DENND5A: variants seen among roughly 807,000 people sequenced by gnomAD.
DENND5A encodes DENN domain-containing protein 5A.
A neutral mutation model predicts 140.3 loss-of-function variants in DENND5A; 64 were observed. The observed-to-expected ratio is 0.46, with a 90% CI of 0.37 to 0.56. DENND5A has a LOEUF of 0.56. Among genes scored for constraint, DENND5A ranks in the 20% least tolerant of loss-of-function variants. The pLI is 0.00. For missense variants in DENND5A, 1,292 were observed against 1,593.8 expected, an observed-to-expected ratio of 0.81 and a Z score of 3.22; for synonymous variants, 605 against 607.7, an observed-to-expected ratio of 1.00 and a Z score of 0.07.
Position 9,144,988 on chromosome 11 carries a change from T to C in DENND5A, c.3122+7A>G, listed in dbSNP as rs753717820. On this transcript the variant is annotated splice_region_variant and intron_variant, in intron 18 of 22. Transcript: ENST00000328194. ...CCCTCTACCTTACAGCCTGAGGGTATACTTACTTGTAGGTATGTCCTGTGA... is the reference window on the plus strand; with the variant it reads ...CCCTCTACCTTACAGCCTGAGGGTACACTTACTTGTAGGTATGTCCTGTGA... 2 of 1,594,030 alleles carry C rather than the reference T, an allele frequency of 1.3e-6. No homozygotes were observed. Among genetic ancestry groups the C allele is most frequent in the Non-Finnish European group, 1.7e-6 (2 of 1,161,752 alleles).
chr11:9,192,544 C>G (rs1156455815), intron 5 of DENND5A, among the ~76,000 whole-genome samples: 1 of 151,642 alleles, frequency 6.6e-6, no homozygotes, highest in African/African-American at 2.4e-5. Context: ...AGGAGAATCA[C>G]TTGAACCTGG....
chr11:9,228,110 C>CAAAAAAA (rs548141276), intron 1 of DENND5A, among the ~76,000 whole-genome samples: 2 of 72,654 alleles, frequency 2.8e-5, no homozygotes, highest in Non-Finnish European at 5.1e-5. Context: ...GACTCCATCT[C>CAAAAAAA]AAAAAAAAAA....
intron 1 of DENND5A, among the ~76,000 whole-genome samples, chr11:9,227,300 C>T (rs978912048): frequency 3.9e-5 from 6 of 152,174 alleles, no homozygotes; most frequent in African/African-American, 7.2e-5. Flanking sequence ...CGTTTTGCTA[C>T]ATTATTACAT....
intron 1 of DENND5A, among the ~76,000 whole-genome samples, chr11:9,251,388 T>C (rs916315107): frequency 1.4e-4 from 22 of 152,146 alleles, no homozygotes; most frequent in Admixed American, 3.9e-4. Context: ...CCTGGTTCTC[T>C]TTAACAGGAA....
intron 4 of DENND5A, among the ~76,000 whole-genome samples, chr11:9,201,356 T>C (rs562152771): frequency 2.0e-5 from 3 of 149,196 alleles, no homozygotes; most frequent in East Asian, 2.0e-4. Context: ...GCCTGGGTGA[T>C]AGAATAAGAC....
At chr11:9,205,141 A>G (rs1849653234) in intron 3 of DENND5A, among the ~76,000 whole-genome samples, 1 of 152,222 alleles carries the variant, frequency 6.6e-6, no homozygotes, top group South Asian at 2.1e-4. Context: ...TGTCATTAGT[A>G]AAACTTCTTT....
chr11:9,215,611 G>C (rs112810946), intron 1 of DENND5A, among the ~76,000 whole-genome samples: 3,326 of 147,972 alleles, frequency 0.022, 117 homozygotes, highest in African/African-American at 0.075. Context: ...GCAGTGGCAC[G>C]AACTCAGCTC....
At chr11:9,219,072 A>G (rs770160310) in intron 1 of DENND5A, among the ~76,000 whole-genome samples, 41 of 152,236 alleles carry the variant, frequency 2.7e-4, no homozygotes, top group Admixed American at 5.9e-4. Flanking sequence ...ATAAAATTAG[A>G]GTCCATCCAA....
At chr11:9,179,732 C>CT (rs1406982833) in intron 6 of DENND5A, among the ~76,000 whole-genome samples, 1 of 152,208 alleles carries the variant, frequency 6.6e-6, no homozygotes, top group African/African-American at 2.4e-5. Flanking sequence ...CTCCCAACCT[C>CT]TGGTGATCCT....
At chr11:9,203,488 A>G (rs1485987437) in intron 4 of DENND5A, 172 bp downstream of exon 4, 1 of 652,946 alleles carries the variant, frequency 1.5e-6, no homozygotes, top group African/African-American at 1.8e-5. Context: ...TTAATCAGAA[A>G]TACTGGCCCT....
Position 9,246,314 on chromosome 11 carries a change from T to A in DENND5A, c.109+18647A>T, listed in dbSNP as rs183567008. Among the ~76,000 whole-genome samples, 6 of 152,196 alleles carry A rather than the reference T, an allele frequency of 3.9e-5. No homozygotes were observed. In the East Asian group the frequency reaches 7.7e-4, roughly 20 times the overall value. ...GGTTCCACACCGGACACATAGACCT[T>A]AGATAAAAGGATGTAGGGCCAGGTG... On this transcript the variant is annotated intron_variant, in intron 1 of 22. Coordinates refer to ENST00000328194, the MANE Select transcript of DENND5A (RefSeq NM_015213.4).
At chr11:9,166,054 T>G in intron 10 of DENND5A, 87 bp from the exon 11 acceptor site, 1 of 1,225,656 alleles carries the variant, frequency 8.2e-7, no homozygotes, top group Non-Finnish European at 1.2e-6. Context: ...GAAGAGGGCA[T>G]TATTTTCTCA....
At chr11:9,255,018 C>T (rs1485016502) in intron 1 of DENND5A, among the ~76,000 whole-genome samples, 1 of 151,994 alleles carries the variant, frequency 6.6e-6, no homozygotes, top group African/African-American at 2.4e-5. Context: ...TTGCAGTGAG[C>T]CAAGATCGTG....
intron 1 of DENND5A, among the ~76,000 whole-genome samples, chr11:9,248,686 G>T (rs759316597): frequency 4.0e-5 from 6 of 151,756 alleles, no homozygotes; most frequent in Non-Finnish European, 8.8e-5. Context: ...TCATGACCTG[G>T]AATTTAGTTT....
At chr11:9,253,808 G>A (rs1287420751) in intron 1 of DENND5A, among the ~76,000 whole-genome samples, 1 of 151,788 alleles carries the variant, frequency 6.6e-6, no homozygotes, top group African/African-American at 2.4e-5. Flanking sequence ...CAAGGTTGTA[G>A]TAAACCATGA....
intron 1 of DENND5A, among the ~76,000 whole-genome samples, chr11:9,252,295 CAA>C (rs11422899): frequency 7.2e-5 from 5 of 69,032 alleles, no homozygotes; most frequent in African/African-American, 5.6e-5. Context: ...GACTCCGTCT[CAA>C]AAAAAAAAAA....
intron 8 of DENND5A, among the ~76,000 whole-genome samples, chr11:9,174,102 CAAAAAAAAA>C (rs57703622): frequency 1.7e-4 from 7 of 42,146 alleles, no homozygotes; most frequent in South Asian, 1.4e-3. Context: ...GACTCCGTCT[CAAAAAAAAA>C]AAAAAAAAAA....
intron 22 of DENND5A, chr11:9,140,122 A>G: frequency 7.0e-7 from 1 of 1,428,726 alleles, no homozygotes; most frequent in Non-Finnish European, 9.3e-7. Flanking sequence ...CAGCCCCACC[A>G]CTGGTGTCTC....
At chr11:9,170,183 T>C in intron 9 of DENND5A, 2 of 736,326 alleles carry the variant, frequency 2.7e-6, no homozygotes, top group Non-Finnish European at 3.3e-6. Flanking sequence ...CTACAAACAC[T>C]TGACATATAG....
Sources: gnomAD v4.1 joint callset for allele counts (sites outside exome capture counted in the v4.1 genomes callset) on GRCh38, gnomAD v4.1.1 for gene constraint, MANE v1.5 for transcripts, NCBI Gene and HGNC (gene_info 2026-07-23, HGNC 2026-07-21) for gene names.